The following ZNF736 variants were observed in gnomAD, a reference collection of about 807,000 sequenced individuals.
The protein encoded by ZNF736 is zinc finger protein 736.
In ZNF736, 6 loss-of-function variants were observed where a neutral mutation model predicts 11.7. The ratio of observed to expected loss-of-function variants is 0.51; its 90% confidence interval spans 0.28 to 1.01. The LOEUF is 1.01. Ranked by LOEUF, ZNF736 falls within the 50% of genes least tolerant of loss-of-function variation. The probability of loss-of-function intolerance (pLI) is 0.09; values close to 1 mark genes in which losing one functional copy is unlikely to be tolerated. For synonymous variants in ZNF736, 139 were observed against 164.7 expected (o/e 0.84, Z 1.19); for missense variants, 444 against 496.0 (o/e 0.90, Z 1.00).
chr7:64,314,195 TG>T (rs1788878515), intron 1 of ZNF736, 42 bp downstream of exon 1: 1 of 1,550,630 alleles, frequency 6.4e-7, no homozygotes. Flanking sequence ...GGGAAGAGGC[TG>T]TTTGAATCCG....
intron 3 of ZNF736, among the ~76,000 whole-genome samples, 173 bp from the exon 4 acceptor site, chr7:64,347,917 G>C (rs1789432966): frequency 6.6e-6 from 1 of 152,098 alleles, no homozygotes; most frequent in Non-Finnish European, 1.5e-5. Context: ...CTGGTTCTTA[G>C]ACTTCTCACA....
chr7:64,346,753 T>C (rs796119382), intron 3 of ZNF736, among the ~76,000 whole-genome samples: 17 of 152,172 alleles, frequency 1.1e-4, no homozygotes, highest in African/African-American at 3.8e-4. Flanking sequence ...ATATTAGTCT[T>C]TTTTTGTAGT....
chr7:64,348,085 T>C lies in ZNF736; in HGVS notation c.227-5T>C. 6.7e-7 allele frequency: 1 copy of C among 1,483,838 alleles called. No individual in the cohort carries two copies. The highest frequency in any genetic ancestry group is 8.9e-7 in the Non-Finnish European group (1 of 1,122,010). The allele number at this position is 1,483,838 out of a possible 1,614,324, so 91.9% of individuals were successfully genotyped here. A position where few individuals can be genotyped will look rare whatever the true frequency, so the allele number is the denominator to read the frequency against. ...ATGAGGGAGAATTTTATTTTTTTTC[T>C]CCAGCTGGTTCTTTTCATTTTACTG... On this transcript the variant is annotated splice_region_variant and splice_polypyrimidine_tract_variant and intron_variant, in intron 3 of 3. Transcript: ENST00000423484.
intron 1 of ZNF736, among the ~76,000 whole-genome samples, chr7:64,329,616 TC>T (rs1357706067): frequency 2.6e-5 from 4 of 151,114 alleles, no homozygotes; most frequent in African/African-American, 9.7e-5. Flanking sequence ...AAATGGAATC[TC>T]TCTCTCTCTG....
At position 64,354,362 on chromosome 7, in the gene ZNF736, T is replaced by G. The variant is rs1789527463; in HGVS notation, c.*5215T>G. 6.6e-6 allele frequency: 1 copy of G among 152,194 alleles called. No individual in the cohort carries two copies. Among genetic ancestry groups the G allele is most frequent in the African/African-American group, 2.4e-5 (1 of 41,458 alleles). The allele number at this position is 152,194 out of a possible 1,614,324, so 9.4% of individuals were successfully genotyped here. ...TATAGAGAAAGTAATCATATTTGTT[T>G]ATGGTTGTGTACCTACTTTGAGAAG... On this transcript the variant is annotated 3_prime_UTR_variant, in exon 4 of 4. Coordinates refer to ENST00000423484, the MANE Select transcript of ZNF736 (RefSeq NM_001170905.3).
intron 3 of ZNF736, among the ~76,000 whole-genome samples, chr7:64,345,375 T>G (rs1290466513): frequency 6.6e-6 from 1 of 152,014 alleles, no homozygotes. Context: ...TGGGTCACTT[T>G]AAGCAGCATG....
At chr7:64,348,039 A>C (rs1198778452) in intron 3 of ZNF736, 51 bp from the exon 4 acceptor site, 1 of 1,313,744 alleles carries the variant, frequency 7.6e-7, no homozygotes, top group African/African-American at 1.5e-5. Context: ...TATATTTGTG[A>C]AGTATATTCA....
intron 3 of ZNF736, among the ~76,000 whole-genome samples, chr7:64,343,306 A>G (rs1324713498): frequency 1.3e-5 from 2 of 152,244 alleles, no homozygotes; most frequent in African/African-American, 4.8e-5. Flanking sequence ...TAATGGAAAA[A>G]AACCAGAAAG....
intron 1 of ZNF736, among the ~76,000 whole-genome samples, chr7:64,330,114 G>A (rs536036774): frequency 6.6e-6 from 1 of 152,138 alleles, no homozygotes; most frequent in Admixed American, 6.5e-5. Flanking sequence ...AGCTTGTGGT[G>A]AACTCTGCCA....
At chr7:64,344,553 G>A (rs112207693) in intron 3 of ZNF736, among the ~76,000 whole-genome samples, 2 of 151,966 alleles carry the variant, frequency 1.3e-5, no homozygotes, top group African/African-American at 4.8e-5. Flanking sequence ...CAGTATTTTT[G>A]TGTGTGTGGC....
intron 3 of ZNF736, among the ~76,000 whole-genome samples, chr7:64,342,388 G>A (rs1317394368): frequency 1.3e-5 from 2 of 152,180 alleles, no homozygotes; most frequent in African/African-American, 4.8e-5. Flanking sequence ...CACTTCAAAA[G>A]TATATTTTTC....
In ZNF736 at chr7:64,356,009, C is replaced by T. The variant is rs1414309138; in HGVS notation, c.*6862C>T. On this transcript the variant is annotated 3_prime_UTR_variant, in exon 4 of 4. Transcript: ENST00000423484. ...ATCAGGTCCTAAGAAAACCCACCTT[C>T]TGCCAGTAGTAAAATCCAGTAAGAT... 5.5e-6 allele frequency: 1 copy of T among 183,188 alleles called. No homozygotes were observed. The highest frequency in any genetic ancestry group is 2.4e-5 in the African/African-American group (1 of 42,162). 11.3% of individuals were successfully genotyped at this position (183,188 alleles called of 1,614,324 possible).
In ZNF736 at chr7:64,354,657, T is replaced by G. The variant is rs1789531567; in HGVS notation, c.*5510T>G. On this transcript the variant is annotated 3_prime_UTR_variant, in exon 4 of 4. Transcript: ENST00000423484. ...CACCTCAGAGATTATGAAAGTGACT[T>G]TGATAAAATTTAATGGTGTTCACAA... 6.6e-6 allele frequency: 1 copy of G among 152,202 alleles called. No individual in the cohort carries two copies. Among genetic ancestry groups the G allele is most frequent in the South Asian group, 2.1e-4 (1 of 4,832 alleles). The allele number at this position is 152,202 out of a possible 1,614,324, so 9.4% of individuals were successfully genotyped here. A position where few individuals can be genotyped will look rare whatever the true frequency, so the allele number is the denominator to read the frequency against.
Position 64,354,358 on chromosome 7 carries a change from T to A in ZNF736, c.*5211T>A, listed in dbSNP as rs577578641. 1 of 152,302 alleles carries A rather than the reference T, an allele frequency of 6.6e-6. No homozygotes were observed. The highest frequency in any genetic ancestry group is 2.4e-5 in the African/African-American group (1 of 41,574). 9.4% of individuals were successfully genotyped at this position (152,302 alleles called of 1,614,324 possible). A position where few individuals can be genotyped will look rare whatever the true frequency, so the allele number is the denominator to read the frequency against. ...GATTTATAGAGAAAGTAATCATATT[T>A]GTTTATGGTTGTGTACCTACTTTGA... On this transcript the variant is annotated 3_prime_UTR_variant, in exon 4 of 4. Coordinates refer to ENST00000423484, the MANE Select transcript of ZNF736 (RefSeq NM_001170905.3).
Position 64,349,778 on chromosome 7 carries a change from T to C in ZNF736, c.*631T>C, listed in dbSNP as rs1452049403. 1 of 152,390 alleles carries C rather than the reference T, an allele frequency of 6.6e-6. No individual in the cohort carries two copies. The highest frequency in any genetic ancestry group is 2.4e-5 in the African/African-American group (1 of 41,462). The allele number at this position is 152,390 out of a possible 1,614,324, so 9.4% of individuals were successfully genotyped here. Reference sequence around the variant, plus strand: ...GTGGTAACATTTTCTCAGCATTTGCTTGTCTGAATAGGATCATATATATTT... The same window carrying C: ...GTGGTAACATTTTCTCAGCATTTGCCTGTCTGAATAGGATCATATATATTT... On this transcript the variant is annotated 3_prime_UTR_variant, in exon 4 of 4. Transcript: ENST00000423484.
chr7:64,336,932 G>C lies in ZNF736; in HGVS notation c.176G>C (p.Arg59Thr), dbSNP rs773158053. 113 of 1,604,604 alleles carry C rather than the reference G, an allele frequency of 7.0e-5. No individual in the cohort carries two copies. Among genetic ancestry groups the C allele is most frequent in the Non-Finnish European group, 5.6e-5 (66 of 1,175,378 alleles). The change falls in exon 3 of 4, where the codon AGA (arginine) becomes ACA (threonine). Residue 59 changes from arginine (R) to threonine (T), a missense_variant. Arg to Thr is a moderately conservative substitution (Grantham distance 71). Transcript: ENST00000423484. ...GACTTGATGACCTGTCTGGAGCAAA[G>C]AAAAGAGCCTTGGAAAGTGAAGAGA... ...KPDLMTCLEQ[R>T]KEPWKVKRQE...
rs642158 is a variant in ZNF736 at position 64,355,409 on chromosome 7, C to G, written c.*6262C>G. ...TTTTTTTTTCTTTTTTTGAGATGGA[C>G]TCTTGCTCTGTCACCCAAGCTGGTG... is the stretch of plus-strand genomic sequence containing the variant. On this transcript the variant is annotated 3_prime_UTR_variant, in exon 4 of 4. Coordinates refer to ENST00000423484, the MANE Select transcript of ZNF736 (RefSeq NM_001170905.3). 147,386 of 151,094 alleles carry G rather than the reference C, an allele frequency of 0.98. 71,958 individuals are homozygous for G. Among genetic ancestry groups the G allele is most frequent in the Non-Finnish European group, 1 (67,869 of 68,040 alleles). The allele number at this position is 151,094 out of a possible 1,614,324, so 9.4% of individuals were successfully genotyped here. A position where few individuals can be genotyped will look rare whatever the true frequency, so the allele number is the denominator to read the frequency against.
At chr7:64,327,184 T>A (rs1262285334) in intron 1 of ZNF736, among the ~76,000 whole-genome samples, 1 of 152,214 alleles carries the variant, frequency 6.6e-6, no homozygotes, top group Non-Finnish European at 1.5e-5. Context: ...GCTCTAATAT[T>A]TGCTTCATAT....
chr7:64,344,382 T>C (rs1789381213), intron 3 of ZNF736, among the ~76,000 whole-genome samples: 1 of 152,254 alleles, frequency 6.6e-6, no homozygotes, highest in Non-Finnish European at 1.5e-5. Flanking sequence ...TTGACATTTT[T>C]AGCAACATAT....
Sources: gnomAD v4.1 joint callset for allele counts (sites outside exome capture counted in the v4.1 genomes callset) on GRCh38, gnomAD v4.1.1 for gene constraint, MANE v1.5 for transcripts, NCBI Gene and HGNC (gene_info 2026-07-23, HGNC 2026-07-21) for gene names.